The following MYO10 variants were observed in gnomAD, a reference collection of about 807,000 sequenced individuals.
MYO10 encodes myosin X.
MYO10 carries 133 observed loss-of-function variants against 257.3 expected under a neutral mutation model. That is an observed-to-expected ratio of 0.52 (90% CI 0.45 to 0.60). The LOEUF (loss-of-function observed/expected upper bound fraction) is 0.60, where lower values mean the gene tolerates loss of function less well. MYO10 is among the 20% of genes least tolerant of loss of function. The probability of loss-of-function intolerance (pLI) is 0.00; values close to 1 mark genes in which losing one functional copy is unlikely to be tolerated. For synonymous variants in MYO10, 1,104 were observed against 1,028.6 expected, an observed-to-expected ratio of 1.07 and a Z score of -1.40; for missense variants, 2,399 against 2,635.7, an observed-to-expected ratio of 0.91 and a Z score of 1.97.
At chr5:16,785,730 C>T (rs1048429530) in intron 4 of MYO10, among the ~76,000 whole-genome samples, 4 of 151,954 alleles carry the variant, frequency 2.6e-5, no homozygotes, top group Non-Finnish European at 4.4e-5. Flanking sequence ...ATTAGCCGGG[C>T]GTGGTGGCGC....
chr5:16,710,898 CG>C lies in MYO10; in HGVS notation c.2169+9del. On this transcript the variant is annotated intron_variant, in intron 21 of 40. Transcript: ENST00000513610. Reference sequence around the variant, plus strand: ...GATTCGGTGGGAGTTGCTCTTTCTCCGCATCGTACCTTGGTCTTCCCCAGCT... The same window carrying C: ...GATTCGGTGGGAGTTGCTCTTTCTCCCATCGTACCTTGGTCTTCCCCAGCT... 1 of 1,610,230 alleles carries C rather than the reference CG, an allele frequency of 6.2e-7. No individual in the cohort carries two copies. Among genetic ancestry groups the C allele is most frequent in the Non-Finnish European group, 8.5e-7 (1 of 1,178,120 alleles).
chr5:16,915,184 AAGG>A (rs1745779906), intron 1 of MYO10, among the ~76,000 whole-genome samples: 5 of 152,198 alleles, frequency 3.3e-5, no homozygotes. Flanking sequence ...ACACTGAACT[AAGG>A]TATATAGTGC....
At chr5:16,802,782 G>A (rs1000369343) in intron 3 of MYO10, among the ~76,000 whole-genome samples, 2 of 151,938 alleles carry the variant, frequency 1.3e-5, no homozygotes, top group African/African-American at 2.4e-5. Context: ...ACAGACTTGA[G>A]AGGAAATAAC....
chr5:16,863,006 ATGCTT>A (rs1381630590), intron 2 of MYO10, among the ~76,000 whole-genome samples: 10 of 152,220 alleles, frequency 6.6e-5, no homozygotes, highest in African/African-American at 4.8e-5. Flanking sequence ...GGTCAGAGGC[ATGCTT>A]GAGTCCAGAT....
At chr5:16,781,380 G>A (rs537378629) in intron 6 of MYO10, among the ~76,000 whole-genome samples, 5 of 152,080 alleles carry the variant, frequency 3.3e-5, no homozygotes, top group Non-Finnish European at 5.9e-5. Context: ...GCGCCTGGCC[G>A]CACAGAATAA....
Position 16,694,484 on chromosome 5 carries a change from C to G in MYO10, c.3687G>C (p.Leu1229=), listed in dbSNP as rs746949506. 6.2e-7 allele frequency: 1 copy of G among 1,614,030 alleles called. No homozygotes were observed. The highest frequency in any genetic ancestry group is 2.2e-5 in the East Asian group (1 of 44,878). ...AGCGCTTCTTCCAATTTCTCCTGGACAGCGTGGAGGAGCCCCCCCCTTTTT... is the reference window on the plus strand; with the variant it reads ...AGCGCTTCTTCCAATTTCTCCTGGAGAGCGTGGAGGAGCCCCCCCCTTTTT... ...LHKKGGGSST[L]SRRNWKKRWF... The change falls in exon 27 of 41, where the codon CTG becomes CTC. Residue 1229 remains leucine, a synonymous_variant. Coordinates refer to ENST00000513610, the MANE Select transcript of MYO10 (RefSeq NM_012334.3).
intron 17 of MYO10, 129 bp downstream of exon 17, chr5:16,761,335 G>T: frequency 1.4e-6 from 1 of 728,832 alleles, no homozygotes; most frequent in Non-Finnish European, 2.3e-6. Context: ...CATTGATGAA[G>T]TATTACCTGG....
intron 9 of MYO10, among the ~76,000 whole-genome samples, chr5:16,773,796 T>C (rs970446259): frequency 6.8e-6 from 1 of 146,710 alleles, no homozygotes; most frequent in Non-Finnish European, 1.5e-5. Context: ...TAAGAAGATA[T>C]GTAAGCAAAT....
At chr5:16,764,713 G>C (rs952160911) in intron 11 of MYO10, among the ~76,000 whole-genome samples, 2 of 152,152 alleles carry the variant, frequency 1.3e-5, no homozygotes, top group Admixed American at 1.3e-4. Context: ...TTTTGAGACG[G>C]AGTCTAGCTC....
chr5:16,760,656 T>C (rs1740682980), intron 17 of MYO10, among the ~76,000 whole-genome samples: 1 of 152,150 alleles, frequency 6.6e-6, no homozygotes, highest in Non-Finnish European at 1.5e-5. Flanking sequence ...TTTTACTAAC[T>C]AGAGACACAG....
chr5:16,710,765 G>A (rs1370853562), intron 21 of MYO10, 143 bp downstream of exon 21: 1 of 691,052 alleles, frequency 1.4e-6, no homozygotes, highest in East Asian at 2.7e-5. Flanking sequence ...GAGACAAAAG[G>A]TTATGGTAGG....
chr5:16,907,936 A>T (rs150787879), intron 1 of MYO10, among the ~76,000 whole-genome samples: 2 of 152,334 alleles, frequency 1.3e-5, no homozygotes, highest in African/African-American at 4.8e-5. Flanking sequence ...GATCACTTAA[A>T]ACTAAGGCAA....
At chr5:16,746,659 G>A (rs1479846131) in intron 19 of MYO10, among the ~76,000 whole-genome samples, 35 of 152,138 alleles carry the variant, frequency 2.3e-4, no homozygotes. Flanking sequence ...TCTGCAAAAA[G>A]GCCTGGAAAC....
chr5:16,885,802 C>A (rs887755365), intron 1 of MYO10, among the ~76,000 whole-genome samples: 1 of 152,082 alleles, frequency 6.6e-6, no homozygotes, highest in Non-Finnish European at 1.5e-5. Context: ...TGGGGCACAA[C>A]CCTAAGATTC....
At chr5:16,716,736 T>C (rs889479965) in intron 19 of MYO10, among the ~76,000 whole-genome samples, 1 of 151,962 alleles carries the variant, frequency 6.6e-6, no homozygotes, top group African/African-American at 2.4e-5. Flanking sequence ...ACAGGAGCCA[T>C]GGGTTTTTCC....
intron 21 of MYO10, among the ~76,000 whole-genome samples, chr5:16,708,897 G>C (rs1738467941): frequency 6.6e-6 from 1 of 152,186 alleles, no homozygotes; most frequent in Admixed American, 6.5e-5. Flanking sequence ...AATCAGAGCA[G>C]ATTGTATTGC....
At chr5:16,732,184 A>G (rs1399002092) in intron 19 of MYO10, among the ~76,000 whole-genome samples, 1 of 152,204 alleles carries the variant, frequency 6.6e-6, no homozygotes, top group African/African-American at 2.4e-5. Flanking sequence ...CAATTAAAGT[A>G]TGCTGAAAGA....
intron 1 of MYO10, among the ~76,000 whole-genome samples, chr5:16,910,687 C>T (rs536139933): frequency 3.9e-5 from 6 of 152,272 alleles, no homozygotes; most frequent in Admixed American, 6.5e-5. Context: ...AGCGACCCTG[C>T]GGGATGGGTA....
chr5:16,913,599 G>A (rs560545395), intron 1 of MYO10, among the ~76,000 whole-genome samples: 1 of 152,328 alleles, frequency 6.6e-6, no homozygotes, highest in East Asian at 1.9e-4. Flanking sequence ...GTGGAAGACA[G>A]GCTACTGACC....
Sources: gnomAD v4.1 joint callset for allele counts (sites outside exome capture counted in the v4.1 genomes callset) on GRCh38, gnomAD v4.1.1 for gene constraint, MANE v1.5 for transcripts, NCBI Gene and HGNC (gene_info 2026-07-23, HGNC 2026-07-21) for gene names.